Variants in PPARGC1A observed in about 807,000 individuals in gnomAD.
PPARGC1A encodes peroxisome proliferator-activated receptor gamma coactivator 1-alpha.
A neutral mutation model predicts 88.7 loss-of-function variants in PPARGC1A; 25 were observed. The observed-to-expected ratio is 0.28, with a 90% CI of 0.21 to 0.39. The LOEUF is 0.39. PPARGC1A is among the 10% of genes least tolerant of loss of function. The pLI is 1.00. For missense variants in PPARGC1A, 880 were observed against 968.7 expected (o/e 0.91, Z 1.22); for synonymous variants, 363 against 355.6 (o/e 1.02, Z -0.24).
chr4:23,904,702 G>T (rs999386901), upstream of PPARGC1A, among the ~76,000 whole-genome samples: 2 of 152,128 alleles, frequency 1.3e-5, no homozygotes, highest in East Asian at 1.9e-4. Context: ...CATGCACAGA[G>T]CAGGTCAATA....
the PPARGC1A span, among the ~76,000 whole-genome samples, chr4:24,469,867 C>T: frequency 1.3e-5 from 2 of 152,160 alleles, no homozygotes; most frequent in Admixed American, 6.5e-5. Context: ...TCTCTCCCAC[C>T]TCCTCTGGTT....
the PPARGC1A span, among the ~76,000 whole-genome samples, chr4:24,151,418 G>A: frequency 2.0e-5 from 3 of 152,026 alleles, no homozygotes; most frequent in African/African-American, 2.4e-5. Context: ...AGGGCATCTC[G>A]TCATGAAGGC....
chr4:24,305,216 CATA>C, the PPARGC1A span, among the ~76,000 whole-genome samples: 1 of 145,770 alleles, frequency 6.9e-6, no homozygotes, highest in Non-Finnish European at 1.5e-5. Flanking sequence ...GTTTTTTTGC[CATA>C]ATTTTCTTAG....
the PPARGC1A span, among the ~76,000 whole-genome samples, chr4:24,199,013 T>G: frequency 6.6e-6 from 1 of 152,178 alleles, no homozygotes. Flanking sequence ...CAGCATCTGT[T>G]GCCCTCTCTG....
At chr4:24,450,162 T>C in the PPARGC1A span, among the ~76,000 whole-genome samples, 46 of 152,304 alleles carry the variant, frequency 3.0e-4, no homozygotes, top group South Asian at 6.2e-4. Context: ...AAGTGGACAT[T>C]ATCGTTCCCC....
the PPARGC1A span, among the ~76,000 whole-genome samples, chr4:24,078,383 A>G: frequency 6.6e-6 from 1 of 152,138 alleles, no homozygotes; most frequent in African/African-American, 2.4e-5. Flanking sequence ...TTGAAAGAGA[A>G]GAGAGAAACT....
At chr4:23,903,217 T>A (rs540843355), upstream of PPARGC1A, among the ~76,000 whole-genome samples, 5 of 152,172 alleles carry the variant, frequency 3.3e-5, no homozygotes, top group African/African-American at 7.2e-5. Context: ...ATTTCAAATA[T>A]AAATTTAATT....
the PPARGC1A span, among the ~76,000 whole-genome samples, chr4:24,407,743 A>G: frequency 0.99 from 150,055 of 152,332 alleles, 73,946 homozygotes; most frequent in Middle Eastern, 1. Flanking sequence ...CTCTTCCTCT[A>G]TAAAATAGGG....
At chr4:23,884,347 C>T (rs1716500635) in intron 2 of PPARGC1A, 1 of 206,878 alleles carries the variant, frequency 4.8e-6, no homozygotes, top group Non-Finnish European at 9.5e-6. Flanking sequence ...ACATCTACCC[C>T]CTTGGTTAAA....
the PPARGC1A span, among the ~76,000 whole-genome samples, chr4:24,028,637 C>T: frequency 8.5e-5 from 13 of 152,234 alleles, no homozygotes; most frequent in South Asian, 2.7e-3. Context: ...AATACTGGCT[C>T]CTCATCTCAC....
chr4:23,935,788 A>C, the PPARGC1A span, among the ~76,000 whole-genome samples: 1 of 152,266 alleles, frequency 6.6e-6, no homozygotes, highest in East Asian at 1.9e-4. Flanking sequence ...CAGGATTCAA[A>C]CTCAGTGCTA....
chr4:23,967,907 T>C, the PPARGC1A span, among the ~76,000 whole-genome samples: 1 of 151,802 alleles, frequency 6.6e-6, no homozygotes, highest in Non-Finnish European at 1.5e-5. Context: ...GAATAGTGTA[T>C]CAAAAGAAGC....
At chr4:23,829,267 C>A (rs1463999984) in intron 4 of PPARGC1A, among the ~76,000 whole-genome samples, 196 bp downstream of exon 4, 1 of 152,188 alleles carries the variant, frequency 6.6e-6, no homozygotes, top group South Asian at 2.1e-4. Flanking sequence ...CACCCAAAGA[C>A]GATGCGTAAA....
the PPARGC1A span, among the ~76,000 whole-genome samples, chr4:24,318,902 G>A: frequency 6.6e-6 from 1 of 152,146 alleles, no homozygotes; most frequent in Non-Finnish European, 1.5e-5. Context: ...GAATTTCCCA[G>A]ACAAGGTAGG....
rs151256617 is a variant in PPARGC1A, at chr4:23,847,481, C to T, written c.235-15730G>A. Among the ~76,000 whole-genome samples the T allele has an allele frequency of 2.2e-3, 330 of 151,762 alleles. 1 individual carries two copies. The highest frequency in any genetic ancestry group is 7.3e-3 in the African/African-American group (304 of 41,448). ...CTCTTTAGTGTATGATGGCAACACC[C>T]GCCAGCCAAAAGTCTTATTACAATG... On this transcript the variant is annotated intron_variant, in intron 2 of 12. Coordinates refer to ENST00000264867, the MANE Select transcript of PPARGC1A (RefSeq NM_013261.5).
At chr4:24,456,706 A>C in the PPARGC1A span, among the ~76,000 whole-genome samples, 1 of 151,936 alleles carries the variant, frequency 6.6e-6, no homozygotes, top group African/African-American at 2.4e-5. Context: ...AGCTGGCTAA[A>C]AGGAGTCAGG....
At chr4:24,431,359 A>G in the PPARGC1A span, among the ~76,000 whole-genome samples, 1 of 152,192 alleles carries the variant, frequency 6.6e-6, no homozygotes, top group South Asian at 2.1e-4. Context: ...TGTACTTGGT[A>G]AATATGAGAT....
At position 23,792,437 on chromosome 4, in the gene PPARGC1A, A is replaced by G. The variant is rs548741039; in HGVS notation, c.*3385T>C. 6.6e-6 allele frequency: 1 copy of G among 152,656 alleles called. No individual in the cohort carries two copies. Among genetic ancestry groups the G allele is most frequent in the Non-Finnish European group, 1.5e-5 (1 of 68,010 alleles). 9.5% of individuals were successfully genotyped at this position (152,656 alleles called of 1,614,324 possible). A position where few individuals can be genotyped will look rare whatever the true frequency, so the allele number is the denominator to read the frequency against. ...CATTACCTACTGGAAGCTCACATCT[A>G]AAGGCATGAAAAGGTTTCCTTTTAT... On this transcript the variant is annotated 3_prime_UTR_variant, in exon 13 of 13. Transcript: ENST00000264867.
At chr4:24,083,614 C>CATTTA in the PPARGC1A span, among the ~76,000 whole-genome samples, 1 of 152,132 alleles carries the variant, frequency 6.6e-6, no homozygotes, top group South Asian at 2.1e-4. Context: ...ATTCCAAGGT[C>CATTTA]TCTCCCAGCC....
Sources: gnomAD v4.1 joint callset for allele counts (sites outside exome capture counted in the v4.1 genomes callset) on GRCh38, gnomAD v4.1.1 for gene constraint, MANE v1.5 for transcripts, NCBI Gene and HGNC (gene_info 2026-07-23, HGNC 2026-07-21) for gene names.